The following HIBADH variants were observed in gnomAD, a reference collection of about 807,000 sequenced individuals.
HIBADH encodes 3-hydroxyisobutyrate dehydrogenase, mitochondrial.
A neutral mutation model predicts 36.1 loss-of-function variants in HIBADH; 25 were observed. The observed-to-expected ratio is 0.69, with a 90% CI of 0.50 to 0.97. The LOEUF (loss-of-function observed/expected upper bound fraction) is 0.97, where lower values mean the gene tolerates loss of function less well. Ranked by LOEUF, HIBADH falls within the 50% of genes least tolerant of loss-of-function variation. HIBADH has a pLI of 0.00. For synonymous variants in HIBADH, 160 were observed against 149.5 expected, an observed-to-expected ratio of 1.07 and a Z score of -0.51; for missense variants, 421 against 418.0, an observed-to-expected ratio of 1.01 and a Z score of -0.06.
At chr7:27,528,652 G>T (rs1040339549) in intron 7 of HIBADH, among the ~76,000 whole-genome samples, 1 of 152,228 alleles carries the variant, frequency 6.6e-6, no homozygotes, top group African/African-American at 2.4e-5. Context: ...GTAGTGATTA[G>T]TTCATGAGGT....
chr7:27,537,297 A>G lies in HIBADH; in HGVS notation c.695+1044T>C, dbSNP rs144420344. Among the ~76,000 whole-genome samples the G allele has an allele frequency of 5.1e-3, 782 of 152,296 alleles. 16 individuals are homozygous for G. The highest frequency in any genetic ancestry group is 0.016 in the East Asian group (85 of 5,186). On this transcript the variant is annotated intron_variant, in intron 6 of 7. Coordinates refer to ENST00000265395, the MANE Select transcript of HIBADH (RefSeq NM_152740.4). Reference sequence around the variant, plus strand: ...CTTTTATCTCAATTACAACATGACAACTTAATAGGTCAAGATAGTTAAACA... The same window carrying G: ...CTTTTATCTCAATTACAACATGACAGCTTAATAGGTCAAGATAGTTAAACA...
At chr7:27,584,978 A>G (rs767983833) in intron 4 of HIBADH, among the ~76,000 whole-genome samples, 1 of 152,020 alleles carries the variant, frequency 6.6e-6, no homozygotes, top group South Asian at 2.1e-4. Context: ...AACAATGCTA[A>G]AAGTACATTC....
At chr7:27,628,347 T>C (rs955949385) in intron 4 of HIBADH, among the ~76,000 whole-genome samples, 4 of 152,118 alleles carry the variant, frequency 2.6e-5, no homozygotes, top group Admixed American at 6.5e-5. Context: ...AATTATTATA[T>C]GTTACTTTTT....
At chr7:27,611,733 T>G (rs1785325474) in intron 4 of HIBADH, among the ~76,000 whole-genome samples, 1 of 151,684 alleles carries the variant, frequency 6.6e-6, no homozygotes, top group African/African-American at 2.4e-5. Context: ...ATACGGGGAG[T>G]CAGGTACAGG....
At chr7:27,528,512 T>C (rs1163973879) in intron 7 of HIBADH, among the ~76,000 whole-genome samples, 1 of 152,114 alleles carries the variant, frequency 6.6e-6, no homozygotes, top group Non-Finnish European at 1.5e-5. Flanking sequence ...TAAGTTTGAG[T>C]GGTCTGGATA....
At chr7:27,582,478 G>A (rs1292696286) in intron 4 of HIBADH, among the ~76,000 whole-genome samples, 3 of 152,114 alleles carry the variant, frequency 2.0e-5, no homozygotes, top group African/African-American at 7.2e-5. Flanking sequence ...GTGGGACTAT[G>A]GGAATTTTTT....
chr7:27,610,181 G>C (rs1230713475), intron 4 of HIBADH, among the ~76,000 whole-genome samples: 1 of 151,990 alleles, frequency 6.6e-6, no homozygotes, highest in Non-Finnish European at 1.5e-5. Context: ...CCATGGAGAT[G>C]AATTATTTTA....
At chr7:27,618,890 G>GTAGT (rs1785484912) in intron 4 of HIBADH, among the ~76,000 whole-genome samples, 1 of 152,122 alleles carries the variant, frequency 6.6e-6, no homozygotes, top group Non-Finnish European at 1.5e-5. Context: ...GGTCTCCTGA[G>GTAGT]TAGTTACTCA....
intron 4 of HIBADH, among the ~76,000 whole-genome samples, chr7:27,620,415 G>A (rs546269022): frequency 4.6e-5 from 7 of 151,994 alleles, no homozygotes; most frequent in African/African-American, 1.2e-4. Flanking sequence ...AAGATTTATC[G>A]GCAGAAACTT....
chr7:27,657,506 C>A (rs960895690), intron 1 of HIBADH, among the ~76,000 whole-genome samples: 22 of 152,100 alleles, frequency 1.4e-4, no homozygotes, highest in African/African-American at 5.3e-4. Flanking sequence ...ATCACTCCTA[C>A]TACTAAGATC....
chr7:27,527,918 G>GTTTTTT (rs746260280), intron 7 of HIBADH, among the ~76,000 whole-genome samples: 1 of 61,702 alleles, frequency 1.6e-5, no homozygotes, highest in Non-Finnish European at 3.0e-5. Context: ...CACACCCAGC[G>GTTTTTT]TTTTTTTTTT....
At chr7:27,530,511 TCTTA>T (rs1462039338) in intron 7 of HIBADH, among the ~76,000 whole-genome samples, 1 of 152,110 alleles carries the variant, frequency 6.6e-6, no homozygotes, top group East Asian at 1.9e-4. Context: ...CTGGCCGTAT[TCTTA>T]CTTTTTAATC....
chr7:27,601,777 C>T (rs1024786086), intron 4 of HIBADH, among the ~76,000 whole-genome samples: 2 of 151,968 alleles, frequency 1.3e-5, no homozygotes, highest in Non-Finnish European at 2.9e-5. Flanking sequence ...CTTGTTTATA[C>T]ATGTTTGCCC....
At chr7:27,658,485 G>A (rs1296899718) in intron 1 of HIBADH, among the ~76,000 whole-genome samples, 1 of 152,140 alleles carries the variant, frequency 6.6e-6, no homozygotes, top group Non-Finnish European at 1.5e-5. Context: ...AACAAGGGGA[G>A]TTATCCGTAT....
At chr7:27,529,331 C>T (rs1001960928) in intron 7 of HIBADH, among the ~76,000 whole-genome samples, 5 of 152,158 alleles carry the variant, frequency 3.3e-5, no homozygotes, top group African/African-American at 1.2e-4. Flanking sequence ...CCTCTGACAG[C>T]TCTGGGCAGA....
intron 4 of HIBADH, among the ~76,000 whole-genome samples, chr7:27,626,076 C>A (rs1257345254): frequency 1.7e-5 from 2 of 118,354 alleles, no homozygotes; most frequent in Non-Finnish European, 3.2e-5. Flanking sequence ...GCACTCCAGC[C>A]TGGGTGACAC....
At chr7:27,577,691 C>T (rs1380595991) in intron 4 of HIBADH, among the ~76,000 whole-genome samples, 10 of 152,002 alleles carry the variant, frequency 6.6e-5, no homozygotes, top group African/African-American at 2.4e-4. Flanking sequence ...CCCTTCATCC[C>T]CCCAAATCAG....
chr7:27,555,059 T>G (rs1322352545), intron 4 of HIBADH, among the ~76,000 whole-genome samples: 1 of 152,144 alleles, frequency 6.6e-6, no homozygotes, highest in Non-Finnish European at 1.5e-5. Flanking sequence ...ACTGCTTGTA[T>G]AGAGTTTGAA....
chr7:27,531,960 T>C (rs1784010228), intron 6 of HIBADH, among the ~76,000 whole-genome samples: 1 of 152,304 alleles, frequency 6.6e-6, no homozygotes, highest in Middle Eastern at 3.4e-3. Context: ...TTAGACAATC[T>C]TGCTTATGAA....
Sources: allele counts gnomAD v4.1 joint callset (sites outside exome capture counted in the v4.1 genomes callset), GRCh38; gene constraint gnomAD v4.1.1; transcripts MANE v1.5; gene names NCBI Gene and HGNC (gene_info 2026-07-23, HGNC 2026-07-21).